KCNMA1: variants seen among roughly 807,000 people sequenced by gnomAD.
KCNMA1 encodes the protein potassium calcium-activated channel subfamily M alpha 1, also known as Calcium-activated potassium channel subunit alpha-1.
KCNMA1 carries 29 observed loss-of-function variants against 140.0 expected under a neutral mutation model. The ratio of observed to expected loss-of-function variants is 0.21; its 90% CI spans 0.15 to 0.28. The LOEUF is 0.28. Ranked by LOEUF, KCNMA1 falls within the 10% of genes least tolerant of loss-of-function variation. The pLI, the probability that KCNMA1 is intolerant of heterozygous loss-of-function variation, is 1.00. For synonymous variants in KCNMA1, 612 were observed against 611.9 expected, an observed-to-expected ratio of 1.00 and a Z score of 0.00; for missense variants, 880 against 1,602.2, an observed-to-expected ratio of 0.55 and a Z score of 7.70.
At chr10:77,371,275 C>T (rs1409911259) in intron 2 of KCNMA1, among the ~76,000 whole-genome samples, 1 of 152,092 alleles carries the variant, frequency 6.6e-6, no homozygotes, top group East Asian at 1.9e-4. Flanking sequence ...GCATATGGCC[C>T]TGCCTCAGTT....
chr10:77,574,260 GTATA>G (rs139904997), intron 1 of KCNMA1, among the ~76,000 whole-genome samples: 5 of 148,470 alleles, frequency 3.4e-5, no homozygotes, highest in Admixed American at 1.3e-4. Context: ...CTATGCGTGT[GTATA>G]TATATATATA....
At chr10:77,414,367 G>C (rs1446488286) in intron 1 of KCNMA1, among the ~76,000 whole-genome samples, 1 of 152,168 alleles carries the variant, frequency 6.6e-6, no homozygotes, top group Non-Finnish European at 1.5e-5. Flanking sequence ...AGGACCAAGG[G>C]GGTCAACTGG....
In KCNMA1 at chr10:77,108,587, G is replaced by A. The variant is rs774831947; in HGVS notation, c.1132-15C>T. ...GCAAACATGGCCTGAGAAGATAGGA[G>A]ACAGAAGAGAGACTAAAAAGACAGG... is the stretch of plus-strand genomic sequence containing the variant. On this transcript the variant is annotated splice_polypyrimidine_tract_variant and intron_variant, in intron 8 of 27. Transcript: ENST00000286628. The surrounding 1 kb of genome is among the most constrained non-coding windows in gnomAD (Gnocchi z 4.6). 5.6e-6 allele frequency: 9 copies of A among 1,596,612 alleles called. No homozygotes were observed. The South Asian group carries it at 9.9e-5, about 18-fold the overall frequency.
intron 1 of KCNMA1, among the ~76,000 whole-genome samples, chr10:77,520,455 T>C (rs902711809): frequency 6.6e-6 from 1 of 152,018 alleles, no homozygotes; most frequent in Non-Finnish European, 1.5e-5. Flanking sequence ...TGGTGAGGAC[T>C]CAAGGATAAG....
At chr10:77,015,953 T>C (rs1009863772) in intron 17 of KCNMA1, among the ~76,000 whole-genome samples, 5 of 152,168 alleles carry the variant, frequency 3.3e-5, no homozygotes, top group African/African-American at 1.2e-4. Flanking sequence ...TCTCATTCTC[T>C]ACAATGCAGG....
chr10:77,034,338 T>C (rs1349536326), intron 15 of KCNMA1, among the ~76,000 whole-genome samples: 1 of 151,862 alleles, frequency 6.6e-6, no homozygotes, highest in Non-Finnish European at 1.5e-5. Context: ...ATCTATCATA[T>C]AACAATTGGG....
intron 5 of KCNMA1, among the ~76,000 whole-genome samples, chr10:77,140,961 G>A (rs982903499): frequency 3.3e-5 from 5 of 152,144 alleles, no homozygotes; most frequent in Non-Finnish European, 7.4e-5. Context: ...GGCCCACTAA[G>A]TCGTTTCTTT....
At chr10:77,366,135 TC>T (rs1421557148) in intron 2 of KCNMA1, among the ~76,000 whole-genome samples, 3 of 55,090 alleles carry the variant, frequency 5.4e-5, no homozygotes, top group African/African-American at 2.9e-4. Context: ...TTTTCTTCTC[TC>T]TCTCTCTCTT....
chr10:77,568,023 G>C (rs1695175361), intron 1 of KCNMA1, among the ~76,000 whole-genome samples: 1 of 152,282 alleles, frequency 6.6e-6, no homozygotes, highest in Non-Finnish European at 1.5e-5. Context: ...ACTCTCCCAA[G>C]ACTAAACCAG....
intron 1 of KCNMA1, among the ~76,000 whole-genome samples, chr10:77,581,014 G>A (rs1248795140): frequency 6.6e-6 from 1 of 152,168 alleles, no homozygotes; most frequent in Non-Finnish European, 1.5e-5. Flanking sequence ...CCCCACACCT[G>A]GGAAGAATCC....
chr10:77,270,468 GCTCT>G (rs2064723763), intron 2 of KCNMA1, among the ~76,000 whole-genome samples: 1 of 149,418 alleles, frequency 6.7e-6, no homozygotes, highest in Non-Finnish European at 1.5e-5. Context: ...CTTTGTTCAA[GCTCT>G]CTTTCTTTCC....
At chr10:76,925,363 A>G (rs1413582307) in intron 23 of KCNMA1, among the ~76,000 whole-genome samples, 3 of 152,156 alleles carry the variant, frequency 2.0e-5, no homozygotes, top group Admixed American at 6.5e-5. Flanking sequence ...TGCCACTAAC[A>G]TGGGATCTCC....
chr10:77,539,902 C>T (rs915011836), intron 1 of KCNMA1, among the ~76,000 whole-genome samples: 8 of 152,334 alleles, frequency 5.3e-5, no homozygotes, highest in Non-Finnish European at 1.0e-4. Context: ...AAGGGGCCCA[C>T]AGACTCCCAC....
chr10:77,379,124 T>A (rs1488209539), intron 2 of KCNMA1, among the ~76,000 whole-genome samples: 1 of 152,198 alleles, frequency 6.6e-6, no homozygotes, highest in Non-Finnish European at 1.5e-5. Context: ...ATTTCTGTGT[T>A]AAACTGAATA....
intron 2 of KCNMA1, among the ~76,000 whole-genome samples, chr10:77,279,306 C>T (rs929282501): frequency 6.6e-6 from 1 of 152,050 alleles, no homozygotes; most frequent in African/African-American, 2.4e-5. Flanking sequence ...TAGAAAAATC[C>T]AAATGCAGCT....
intron 1 of KCNMA1, among the ~76,000 whole-genome samples, chr10:77,581,741 T>C (rs187493671): frequency 2.9e-4 from 44 of 152,334 alleles, no homozygotes; most frequent in Admixed American, 5.2e-4. Flanking sequence ...CACTTCTGTT[T>C]CCTCCACAGT....
Position 76,889,520 on chromosome 10 carries a change from T to C in KCNMA1, c.3392A>G (p.Asn1131Ser). The C allele has an allele frequency of 1.2e-6, 2 of 1,613,990 alleles. No homozygotes were observed. The highest frequency in any genetic ancestry group is 1.7e-6 in the Non-Finnish European group (2 of 1,179,958). ...DLFCKALKTY[N>S]MLCFGIYRLR... is the part of the protein sequence containing the mutation. ...CCGGTAAATTCCAAAACAAAGCATATTATATGTTTTCAGAGCTTTGCAGAA... is the reference window on the plus strand; with the variant it reads ...CCGGTAAATTCCAAAACAAAGCATACTATATGTTTTCAGAGCTTTGCAGAA... The change falls in exon 27 of 28, where the codon AAT (asparagine) becomes AGT (serine). Residue 1131 changes from asparagine (N) to serine (S), a missense_variant. Asn to Ser is a conservative substitution (Grantham distance 46). Around this residue, in one of 13 missense-constraint regions of KCNMA1, gnomAD observed 115 missense variants for 139.9 expected, o/e 0.82. Coordinates refer to ENST00000286628, the MANE Select transcript of KCNMA1 (RefSeq NM_001161352.2).
chr10:77,627,709 A>G (rs564025635), intron 1 of KCNMA1, among the ~76,000 whole-genome samples: 2 of 152,348 alleles, frequency 1.3e-5, no homozygotes, highest in East Asian at 3.9e-4. Flanking sequence ...CTTGTTCTGC[A>G]TGTCCCAGAC....
intron 6 of KCNMA1, among the ~76,000 whole-genome samples, chr10:77,114,504 C>T (rs2097404007): frequency 6.6e-6 from 1 of 152,212 alleles, no homozygotes; most frequent in African/African-American, 2.4e-5. Context: ...CCCAGTCTCT[C>T]CCACCACCCC....
Sources: gnomAD v4.1 joint callset for allele counts (sites outside exome capture counted in the v4.1 genomes callset) on GRCh38, gnomAD v4.1.1 for gene constraint, gnomAD v4.1.1 regional missense constraint, Gnocchi (gnomAD v3.1) non-coding constraint, MANE v1.5 for transcripts, NCBI Gene and HGNC (gene_info 2026-07-23, HGNC 2026-07-21) for gene names.